The following POR variants were observed in gnomAD, a reference collection of about 807,000 sequenced individuals.
POR encodes the protein cytochrome p450 oxidoreductase, also known as NADPH--cytochrome P450 reductase.
A neutral mutation model predicts 84.0 loss-of-function variants in POR; 56 were observed. The observed-to-expected ratio is 0.67, with a 90% confidence interval of 0.54 to 0.83. The LOEUF is 0.83. Among genes scored for constraint, POR ranks in the 40% least tolerant of loss-of-function variants. The pLI, the probability that POR is intolerant of heterozygous loss-of-function variation, is 0.00. For synonymous variants in POR, 414 were observed against 400.5 expected (o/e 1.03, Z -0.40); for missense variants, 938 against 944.3 (o/e 0.99, Z 0.09).
At chr7:75,942,226 C>CA (rs1278026261) in intron 1 of POR, among the ~76,000 whole-genome samples, 1 of 151,588 alleles carries the variant, frequency 6.6e-6, no homozygotes, top group Non-Finnish European at 1.5e-5. Context: ...GACCCAGTCT[C>CA]AAAAAAACAA....
At chr7:75,951,641 C>T (rs782600368) in intron 1 of POR, among the ~76,000 whole-genome samples, 2 of 152,210 alleles carry the variant, frequency 1.3e-5, no homozygotes, top group East Asian at 3.9e-4. Flanking sequence ...AACATAGTCT[C>T]TCATTGCCTA....
Position 75,983,832 on chromosome 7 carries a change from G to C in POR, c.1042G>C (p.Val348Leu). 3 of 1,610,100 alleles carry C rather than the reference G, an allele frequency of 1.9e-6. No individual in the cohort carries two copies. The highest frequency in any genetic ancestry group is 2.5e-6 in the Non-Finnish European group (3 of 1,178,680). ...AATCCTGGGTGCCGACCTGGACGTC[G>C]TCATGTCCCTGAACAACCTGGATGG... Residue 348 changes from valine (V) to leucine (L), a missense_variant, in exon 10 of 16, where the codon GTC (valine) becomes CTC (leucine). Physicochemically the swap from Val to Leu is conservative, Grantham distance 32. Transcript: ENST00000461988.
Position 75,984,875 on chromosome 7 carries a change from C to G in POR, c.1165C>G (p.Leu389Val), listed in dbSNP as rs781837483. 3 of 1,612,538 alleles carry G rather than the reference C, an allele frequency of 1.9e-6. No homozygotes were observed. Among genetic ancestry groups the G allele is most frequent in the Non-Finnish European group, 2.5e-6 (3 of 1,179,780 alleles). Residue 389 changes from leucine (L) to valine (V), a missense_variant, in exon 11 of 16, where the codon CTG (leucine) becomes GTG (valine). Leu to Val is a conservative substitution (Grantham distance 32). Transcript: ENST00000461988. ...CACCAACCCGCCGCGTACCAACGTG[C>G]TGTACGAGCTGGCGCAGTACGCCTC...
intron 1 of POR, among the ~76,000 whole-genome samples, chr7:75,921,416 C>T (rs782558964): frequency 2.0e-5 from 3 of 152,086 alleles, no homozygotes; most frequent in South Asian, 2.1e-4. Context: ...TGCGCGGCAC[C>T]GCGCCCAGCT....
intron 1 of POR, among the ~76,000 whole-genome samples, chr7:75,919,570 T>G (rs888407023): frequency 1.3e-5 from 2 of 152,096 alleles, no homozygotes; most frequent in Non-Finnish European, 2.9e-5. Flanking sequence ...TTATTTATTA[T>G]TTGTAGAAGT....
intron 5 of POR, chr7:75,980,811 T>C (rs1788975169): frequency 7.9e-7 from 1 of 1,267,184 alleles, no homozygotes; most frequent in African/African-American, 1.5e-5. Context: ...CTGGCCCCGC[T>C]TCCCTGTGGG....
chr7:75,979,416 G>A, intron 3 of POR, 35 bp from the exon 4 acceptor site: 3 of 1,607,332 alleles, frequency 1.9e-6, no homozygotes, highest in Non-Finnish European at 1.7e-6. Context: ...GCTGAGGTCT[G>A]TGGCCCTCAC....
chr7:75,951,317 C>T (rs187175306), intron 1 of POR, among the ~76,000 whole-genome samples: 507 of 152,020 alleles, frequency 3.3e-3, no homozygotes, highest in African/African-American at 0.012. Flanking sequence ...TCGCTTGAAC[C>T]CAGGAGGCGG....
At chr7:75,952,688 G>A (rs1271948451) in intron 1 of POR, among the ~76,000 whole-genome samples, 4 of 150,726 alleles carry the variant, frequency 2.7e-5, no homozygotes, top group Non-Finnish European at 5.9e-5. Flanking sequence ...CAGACGGGGC[G>A]GCGGGGCAGA....
At chr7:75,955,693 A>C (rs1314815546) in intron 2 of POR, among the ~76,000 whole-genome samples, 3 of 152,202 alleles carry the variant, frequency 2.0e-5, no homozygotes, top group Non-Finnish European at 4.4e-5. Flanking sequence ...CAGGGGACCC[A>C]GTCCCAGCTG....
intron 2 of POR, among the ~76,000 whole-genome samples, chr7:75,968,928 G>C (rs1554555738): frequency 6.6e-6 from 1 of 152,244 alleles, no homozygotes. Context: ...TGGGAGCCGA[G>C]CTTGGAAGTT....
At chr7:75,936,649 C>T (rs1247377968) in intron 1 of POR, among the ~76,000 whole-genome samples, 1 of 151,842 alleles carries the variant, frequency 6.6e-6, no homozygotes, top group Non-Finnish European at 1.5e-5. Flanking sequence ...GGAATTGTAA[C>T]ACATGCGTGT....
chr7:75,975,005 T>A (rs1042620785), intron 3 of POR, among the ~76,000 whole-genome samples: 1 of 152,160 alleles, frequency 6.6e-6, no homozygotes, highest in Non-Finnish European at 1.5e-5. Context: ...TAAAAAAAAG[T>A]TTGTCTTTCA....
In POR at chr7:75,980,301, G is replaced by A. The variant is rs959411365; in HGVS notation, c.367-38G>A. 10 of 1,598,794 alleles carry A rather than the reference G, an allele frequency of 6.3e-6. No homozygotes were observed. In the Middle Eastern group the frequency reaches 8.3e-4, roughly 132 times the overall value. Reference sequence around the variant, plus strand: ...GCGGGTTGAACCTTGAACAGGCTCAGTCATGGCCGGGGCGCGGTCCTGTCC... The same window carrying A: ...GCGGGTTGAACCTTGAACAGGCTCAATCATGGCCGGGGCGCGGTCCTGTCC... On this transcript the variant is annotated intron_variant, in intron 4 of 15. Coordinates refer to ENST00000461988, the MANE Select transcript of POR (RefSeq NM_000941.3).
intron 1 of POR, chr7:75,923,292 A>T: frequency 8.1e-7 from 1 of 1,227,858 alleles, no homozygotes; most frequent in Non-Finnish European, 1.2e-6. Context: ...CTTCCCAAGG[A>T]AGCATTTCCA....
rs1246843484 is a variant in POR at position 75,981,616 on chromosome 7, T to C, written c.731+10T>C. 2 of 1,610,146 alleles carry C rather than the reference T, an allele frequency of 1.2e-6. No homozygotes were observed. The highest frequency in any genetic ancestry group is 4.5e-5 in the East Asian group (2 of 44,810). On this transcript the variant is annotated intron_variant, in intron 7 of 15. Transcript: ENST00000461988. ...CTGGCGAGGAGTCCAGGTGAGCAAG[T>C]GCCCGCAGGTGCGGTGGGTGGCCTG...
At chr7:75,921,770 C>T (rs782630895) in intron 1 of POR, among the ~76,000 whole-genome samples, 17 of 151,734 alleles carry the variant, frequency 1.1e-4, no homozygotes, top group Non-Finnish European at 2.4e-4. Flanking sequence ...TGCAGTGGCA[C>T]GATTTGGCTC....
At chr7:75,918,869 T>G (rs1203990341) in intron 1 of POR, among the ~76,000 whole-genome samples, 1 of 151,936 alleles carries the variant, frequency 6.6e-6, no homozygotes, top group Non-Finnish European at 1.5e-5. Flanking sequence ...CTGGGGGGCA[T>G]GTAGGGTGTA....
At chr7:75,923,888 CAAAA>C (rs563267608) in intron 1 of POR, among the ~76,000 whole-genome samples, 18 of 101,154 alleles carry the variant, frequency 1.8e-4, no homozygotes, top group African/African-American at 4.8e-4. Context: ...AACTCCATCT[CAAAA>C]AAAAAAAAAA....
Sources: gnomAD v4.1 joint callset for allele counts (sites outside exome capture counted in the v4.1 genomes callset) on GRCh38, gnomAD v4.1.1 for gene constraint, MANE v1.5 for transcripts, NCBI Gene and HGNC (gene_info 2026-07-23, HGNC 2026-07-21) for gene names.